Variants in PTPN9 observed in about 807,000 individuals in gnomAD.
PTPN9 encodes the protein tyrosine-protein phosphatase non-receptor type 9.
PTPN9 carries 26 observed loss-of-function variants against 69.8 expected under a neutral mutation model. The ratio of observed to expected loss-of-function variants is 0.37; its 90% CI spans 0.27 to 0.52. The LOEUF is 0.52. Ranked by LOEUF, PTPN9 falls within the 20% of genes least tolerant of loss-of-function variation. PTPN9 has a pLI of 0.91. For synonymous variants in PTPN9, 274 were observed against 272.5 expected (o/e 1.01, Z -0.05); for missense variants, 549 against 740.3 (o/e 0.74, Z 3.00).
chr15:75,517,562 T>C (rs1303446669), intron 4 of PTPN9, among the ~76,000 whole-genome samples, 198 bp from the exon 5 acceptor site: 1 of 152,208 alleles, frequency 6.6e-6, no homozygotes, highest in African/African-American at 2.4e-5. Flanking sequence ...TTTATCCAGA[T>C]GTACCAAATG....
chr15:75,529,317 C>T (rs1377574414), intron 1 of PTPN9, among the ~76,000 whole-genome samples: 2 of 152,094 alleles, frequency 1.3e-5, no homozygotes, highest in East Asian at 3.9e-4. Context: ...TTCTACACTA[C>T]TAAAAGCTTC....
intron 1 of PTPN9, among the ~76,000 whole-genome samples, chr15:75,546,352 A>G (rs933951425): frequency 1.3e-5 from 2 of 152,188 alleles, no homozygotes; most frequent in Non-Finnish European, 2.9e-5. Flanking sequence ...GTATAGAAAT[A>G]GGGAACTTCA....
chr15:75,551,986 G>A (rs962155812), intron 1 of PTPN9, among the ~76,000 whole-genome samples: 4 of 150,598 alleles, frequency 2.7e-5, no homozygotes, highest in African/African-American at 9.8e-5. Context: ...AGGTTACAGT[G>A]AGCTGAGATT....
intron 1 of PTPN9, among the ~76,000 whole-genome samples, chr15:75,577,907 T>C (rs1236052387): frequency 6.6e-6 from 1 of 152,166 alleles, no homozygotes; most frequent in Non-Finnish European, 1.5e-5. Context: ...CTTCCCATCT[T>C]CCTCAGGAGT....
intron 9 of PTPN9, 80 bp from the exon 10 acceptor site, chr15:75,473,847 CAATGGT>C: frequency 9.4e-7 from 1 of 1,065,450 alleles, no homozygotes; most frequent in Non-Finnish European, 1.4e-6. Context: ...TTTTACTCCC[CAATGGT>C]AACTCCAAAC....
At chr15:75,547,936 G>C (rs991062216) in intron 1 of PTPN9, among the ~76,000 whole-genome samples, 1 of 152,164 alleles carries the variant, frequency 6.6e-6, no homozygotes, top group Non-Finnish European at 1.5e-5. Context: ...AAAGTGCTGG[G>C]ATTACAGGTG....
intron 2 of PTPN9, among the ~76,000 whole-genome samples, chr15:75,525,535 C>A (rs142861344): frequency 6.6e-5 from 10 of 151,998 alleles, no homozygotes; most frequent in African/African-American, 2.4e-4. Flanking sequence ...ACCACCTACA[C>A]TTCCTTTTTC....
At chr15:75,528,997 AT>A (rs887772645) in intron 1 of PTPN9, among the ~76,000 whole-genome samples, 11 of 146,278 alleles carry the variant, frequency 7.5e-5, no homozygotes, top group African/African-American at 2.5e-4. Context: ...CTAAATTGGA[AT>A]TTTTTTTTTA....
At chr15:75,555,636 C>G (rs1321801434) in intron 1 of PTPN9, among the ~76,000 whole-genome samples, 3 of 151,932 alleles carry the variant, frequency 2.0e-5, no homozygotes, top group Non-Finnish European at 4.4e-5. Context: ...TCCTGAGTAG[C>G]TGGGATTACA....
At chr15:75,525,746 C>T (rs938236353) in intron 2 of PTPN9, among the ~76,000 whole-genome samples, 1 of 150,980 alleles carries the variant, frequency 6.6e-6, no homozygotes, top group Non-Finnish European at 1.5e-5. Context: ...AGCAAAACCC[C>T]GTCTCTACTA....
intron 4 of PTPN9, among the ~76,000 whole-genome samples, chr15:75,519,497 C>A (rs931531333): frequency 1.3e-5 from 2 of 152,154 alleles, no homozygotes; most frequent in African/African-American, 4.8e-5. Context: ...GGCAGAAGCA[C>A]CCGCCCATGA....
intron 1 of PTPN9, among the ~76,000 whole-genome samples, chr15:75,571,012 C>A (rs1316702798): frequency 6.6e-6 from 1 of 152,132 alleles, no homozygotes; most frequent in African/African-American, 2.4e-5. Flanking sequence ...GTAATCCCAG[C>A]ACTCTGGGAG....
intron 1 of PTPN9, among the ~76,000 whole-genome samples, chr15:75,544,889 G>C (rs918580762): frequency 6.6e-6 from 1 of 152,086 alleles, no homozygotes; most frequent in South Asian, 2.1e-4. Flanking sequence ...TGAGGAAATT[G>C]AAGTTGGCTT....
intron 9 of PTPN9, among the ~76,000 whole-genome samples, chr15:75,475,937 G>A (rs1222913397): frequency 6.6e-6 from 1 of 152,148 alleles, no homozygotes; most frequent in Non-Finnish European, 1.5e-5. Flanking sequence ...CCAGAAGTTT[G>A]AGACCAACCT....
chr15:75,494,719 T>A (rs565648384), intron 7 of PTPN9, among the ~76,000 whole-genome samples: 15 of 152,176 alleles, frequency 9.9e-5, no homozygotes, highest in African/African-American at 3.6e-4. Context: ...AAAGATAATT[T>A]CTTTTTCTGT....
intron 1 of PTPN9, among the ~76,000 whole-genome samples, chr15:75,542,922 A>G (rs574739210): frequency 6.0e-5 from 9 of 150,380 alleles, no homozygotes; most frequent in Admixed American, 6.0e-4. Context: ...ATATGTATAC[A>G]TGTGCCATGT....
chr15:75,530,812 TCATAATATAATATAA>T (rs1440218058), intron 1 of PTPN9, among the ~76,000 whole-genome samples: 1 of 82,294 alleles, frequency 1.2e-5, no homozygotes, highest in Non-Finnish European at 2.3e-5. Flanking sequence ...TTATAATATA[TCATAATATAATATAA>T]TATATATTAT....
intron 7 of PTPN9, among the ~76,000 whole-genome samples, chr15:75,504,457 G>A (rs1210687636): frequency 7.3e-6 from 1 of 136,518 alleles, no homozygotes; most frequent in African/African-American, 2.8e-5. Flanking sequence ...CGCCCGGCCA[G>A]CCGCCCGGTC....
At chr15:75,566,256 A>C (rs2075125958) in intron 1 of PTPN9, among the ~76,000 whole-genome samples, 1 of 152,206 alleles carries the variant, frequency 6.6e-6, no homozygotes, top group South Asian at 2.1e-4. Context: ...TTTTACTTAT[A>C]AATCTTCTAG....
Sources: allele counts gnomAD v4.1 joint callset (sites outside exome capture counted in the v4.1 genomes callset), GRCh38; gene constraint gnomAD v4.1.1; transcripts MANE v1.5; gene names NCBI Gene and HGNC (gene_info 2026-07-23, HGNC 2026-07-21).